The following LARP4 variants were observed in gnomAD, a reference collection of about 807,000 sequenced individuals.
The protein encoded by LARP4 is la-related protein 4.
A neutral mutation model predicts 92.9 loss-of-function variants in LARP4; 29 were observed. The ratio of observed to expected loss-of-function variants is 0.31; its 90% CI spans 0.23 to 0.43. The LOEUF is 0.43. Ranked by LOEUF, LARP4 falls within the 20% of genes least tolerant of loss-of-function variation. LARP4 has a pLI of 1.00. For synonymous variants in LARP4, 279 were observed against 284.1 expected (o/e 0.98, Z 0.18); for missense variants, 732 against 860.0 (o/e 0.85, Z 1.86).
chr12:50,461,126 T>A lies in LARP4; in HGVS notation c.1122-9T>A. On this transcript the variant is annotated splice_polypyrimidine_tract_variant and intron_variant, in intron 10 of 15. Coordinates refer to ENST00000398473, the MANE Select transcript of LARP4 (RefSeq NM_052879.5). ...CTGCTTTGTGTATATCATTTTGTAT[T>A]TCCTATAGTGTGAAGCCTCAGTTTA... is the stretch of plus-strand genomic sequence containing the variant. The A allele has an allele frequency of 6.2e-7, 1 of 1,605,410 alleles. No individual in the cohort carries two copies. The highest frequency in any genetic ancestry group is 1.1e-5 in the South Asian group (1 of 90,910).
intron 12 of LARP4, among the ~76,000 whole-genome samples, chr12:50,463,115 C>T (rs116069240): frequency 1.3e-3 from 203 of 152,010 alleles, no homozygotes; most frequent in African/African-American, 4.6e-3. Context: ...GCAGCCTTCA[C>T]ATCCCAGGCT....
intron 8 of LARP4, 67 bp from the exon 9 acceptor site, chr12:50,453,393 G>A (rs1460451434): frequency 3.3e-6 from 3 of 914,642 alleles, no homozygotes; most frequent in Non-Finnish European, 5.2e-6. Context: ...ATGTTAAAAT[G>A]TAAATTAAAT....
At chr12:50,426,685 GTGTGTGTGTGTGTGT>G (rs1948770746) in intron 1 of LARP4, among the ~76,000 whole-genome samples, 1 of 34,202 alleles carries the variant, frequency 2.9e-5, no homozygotes, top group African/African-American at 5.6e-5. Context: ...TATGTTTGGG[GTGTGTGTGTGTGTGT>G]GTGTGTGTGT....
intron 1 of LARP4, among the ~76,000 whole-genome samples, chr12:50,418,999 G>A (rs1333670089): frequency 6.6e-6 from 1 of 152,150 alleles, no homozygotes; most frequent in East Asian, 1.9e-4. Context: ...GGGATTACAG[G>A]TGTATATATA....
intron 8 of LARP4, among the ~76,000 whole-genome samples, chr12:50,446,610 G>A (rs577258261): frequency 6.2e-4 from 92 of 148,772 alleles, no homozygotes; most frequent in African/African-American, 2.3e-3. Context: ...TGTAGTTTTA[G>A]TAGAGACAGG....
rs749060996 is a variant in LARP4 at position 50,454,399 on chromosome 12, G to A, written c.1103G>A (p.Arg368Gln). The A allele has an allele frequency of 5.6e-6, 9 of 1,611,038 alleles. No homozygotes were observed. The African/African-American group carries it at 9.4e-5, about 17-fold the overall frequency. Residue 368 changes from arginine to glutamine, a missense_variant, in exon 10 of 16, where the codon CGA becomes CAA. Arg to Gln is a conservative substitution (Grantham distance 43). Coordinates refer to ENST00000398473, the MANE Select transcript of LARP4 (RefSeq NM_052879.5). ...KTNAAAMNMGRPFQKNRVKPQ... is the reference protein window; with the variant it reads ...KTNAAAMNMGQPFQKNRVKPQ... Reference sequence around the variant, plus strand: ...AATGCTGCTGCTATGAATATGGGTCGACCATTCCAAAAAAATCGGTAAGAT... The same window carrying A: ...AATGCTGCTGCTATGAATATGGGTCAACCATTCCAAAAAAATCGGTAAGAT...
chr12:50,435,588 A>T lies in LARP4; in HGVS notation c.499A>T (p.Thr167Ser). The T allele has an allele frequency of 6.2e-7, 1 of 1,607,854 alleles. No homozygotes were observed. The highest frequency in any genetic ancestry group is 2.2e-5 in the East Asian group (1 of 44,790). The change falls in exon 5 of 16, where the codon ACT becomes TCT. Residue 167 changes from threonine (T) to serine (S), a missense_variant. This residue lies in a region of LARP4 where 236 missense variants were observed against 307.6 expected (regional missense o/e 0.77). Transcript: ENST00000398473. Reference sequence around the variant, plus strand: ...CAACATGGAAGAAATAAAAAAGTTGACTACAGACCCTGATCTAATTCTTGA... The same window carrying T: ...CAACATGGAAGAAATAAAAAAGTTGTCTACAGACCCTGATCTAATTCTTGA... ...VANMEEIKKL[T>S]TDPDLILEVL...
chr12:50,434,337 T>A (rs1299212819), intron 4 of LARP4, among the ~76,000 whole-genome samples: 2 of 152,046 alleles, frequency 1.3e-5, no homozygotes, highest in African/African-American at 4.8e-5. Flanking sequence ...AAGATGCAAG[T>A]GTTTGCATCT....
chr12:50,441,287 T>A, intron 7 of LARP4: 1 of 219,182 alleles, frequency 4.6e-6, no homozygotes, highest in Non-Finnish European at 8.9e-6. Flanking sequence ...AGATTTTTAT[T>A]TTTTAAAACA....
chr12:50,404,148 A>G (rs942709039), intron 1 of LARP4, among the ~76,000 whole-genome samples: 13 of 152,036 alleles, frequency 8.6e-5, no homozygotes, highest in African/African-American at 3.1e-4. Flanking sequence ...AATCGCTTGA[A>G]CCTGGGAGGC....
chr12:50,406,974 C>G (rs1419187518), intron 1 of LARP4, among the ~76,000 whole-genome samples: 2 of 151,974 alleles, frequency 1.3e-5, no homozygotes, highest in Non-Finnish European at 2.9e-5. Flanking sequence ...CTCAGCCTCC[C>G]AAAGTGCTGG....
intron 1 of LARP4, among the ~76,000 whole-genome samples, chr12:50,404,309 C>A (rs962182783): frequency 1.3e-4 from 20 of 152,162 alleles, no homozygotes; most frequent in African/African-American, 4.8e-4. Flanking sequence ...TATTAGAACT[C>A]ATCAACCACC....
chr12:50,456,458 G>A (rs995955021), intron 10 of LARP4, among the ~76,000 whole-genome samples: 1 of 151,804 alleles, frequency 6.6e-6, no homozygotes, highest in African/African-American at 2.4e-5. Flanking sequence ...TCTAAAAAGT[G>A]ACTACTTCTA....
chr12:50,473,938 T>G, intron 14 of LARP4, 61 bp from the exon 15 acceptor site: 1 of 1,411,714 alleles, frequency 7.1e-7, no homozygotes, highest in Admixed American at 2.0e-5. Context: ...TTCTTCTGAT[T>G]AGTTGCTCAA....
chr12:50,450,165 C>T (rs534395233), intron 8 of LARP4, among the ~76,000 whole-genome samples: 6 of 151,904 alleles, frequency 3.9e-5, no homozygotes, highest in Non-Finnish European at 5.9e-5. Flanking sequence ...GATCTGACCT[C>T]GTGATCCGCC....
intron 1 of LARP4, 189 bp downstream of exon 1, chr12:50,401,217 G>A: frequency 1.5e-6 from 1 of 683,940 alleles, no homozygotes; most frequent in Non-Finnish European, 2.6e-6. Context: ...AGGAAGCTAT[G>A]GGAGGTGAGG....
chr12:50,455,932 G>A (rs1954148385), intron 10 of LARP4, among the ~76,000 whole-genome samples: 1 of 152,022 alleles, frequency 6.6e-6, no homozygotes, highest in Admixed American at 6.6e-5. Context: ...CATGCCTGAA[G>A]TCCCAACTAC....
intron 1 of LARP4, among the ~76,000 whole-genome samples, chr12:50,401,567 G>T (rs1393943210): frequency 6.6e-6 from 1 of 152,208 alleles, no homozygotes; most frequent in Non-Finnish European, 1.5e-5. Context: ...TCTCTGGAAC[G>T]TTCTGTGGGT....
intron 6 of LARP4, among the ~76,000 whole-genome samples, chr12:50,439,320 A>G (rs1950874178): frequency 6.6e-6 from 1 of 152,216 alleles, no homozygotes; most frequent in Non-Finnish European, 1.5e-5. Context: ...TAAATAAAAC[A>G]AGGTACCAAA....
Sources: allele counts gnomAD v4.1 joint callset (sites outside exome capture counted in the v4.1 genomes callset), GRCh38; gene constraint gnomAD v4.1.1; regional missense constraint gnomAD v4.1.1; transcripts MANE v1.5; gene names NCBI Gene and HGNC (gene_info 2026-07-23, HGNC 2026-07-21).